CD58: variants seen among roughly 807,000 people sequenced by gnomAD.
CD58 encodes CD58 molecule.
Under a neutral mutation model 27.6 loss-of-function variants are expected in CD58, and 14 were observed. That is an observed-to-expected ratio of 0.51 (90% CI 0.34 to 0.79). CD58 has a LOEUF of 0.79. Among genes scored for constraint, CD58 ranks in the 30% least tolerant of loss-of-function variants. The pLI is 0.02. For synonymous variants in CD58, 117 were observed against 103.8 expected (o/e 1.13, Z -0.77); for missense variants, 268 against 301.7 (o/e 0.89, Z 0.83).
Position 116,531,481 on chromosome 1 carries a change from A to G in CD58, c.628+4484T>C, listed in dbSNP as rs1021748079. On this transcript the variant is annotated intron_variant, in intron 3 of 5. Transcript: ENST00000369489. This position sits in a 1 kb window ranked among gnomAD's most constrained non-coding sequence, Gnocchi z 4.5. The stretch of plus-strand genomic sequence containing the variant: ...TTTTATTTTTTGTTGTTCCCATTAT[A>G]AAGCAACTATCTGCTTTTACAACAA... 2.0e-5 allele frequency among the ~76,000 whole-genome samples: 3 copies of G among 152,212 alleles called. No individual in the cohort carries two copies. The highest frequency in any genetic ancestry group is 7.2e-5 in the African/African-American group (3 of 41,460).
intron 3 of CD58, among the ~76,000 whole-genome samples, chr1:116,535,594 C>A (rs1235402288): frequency 7.1e-6 from 1 of 141,470 alleles, no homozygotes; most frequent in Non-Finnish European, 1.5e-5. Context: ...GTAATCCCAG[C>A]ACTTTGGGAG....
Position 116,534,800 on chromosome 1 carries a change from A to T in CD58, c.628+1165T>A, listed in dbSNP as rs554897666. Among the ~76,000 whole-genome samples the T allele has an allele frequency of 9.2e-5, 14 of 152,300 alleles. No homozygotes were observed. In the South Asian group the frequency reaches 2.7e-3, roughly 29 times the overall value. On this transcript the variant is annotated intron_variant, in intron 3 of 5. Coordinates refer to ENST00000369489, the MANE Select transcript of CD58 (RefSeq NM_001779.3). This position sits in a 1 kb window ranked among gnomAD's most constrained non-coding sequence, Gnocchi z 5.3. ...GGGTTCAGAAAAGACAATAAATGGG[A>T]GACTTAGAATGGCTCACCAGTTAAA...
In CD58 at chr1:116,570,472, G is replaced by T. The variant is rs1389737155; in HGVS notation, c.70+431C>A. On this transcript the variant is annotated intron_variant, in intron 1 of 5. Coordinates refer to ENST00000369489, the MANE Select transcript of CD58 (RefSeq NM_001779.3). The surrounding 1 kb of genome is among the most constrained non-coding windows in gnomAD (Gnocchi z 6.4). ...CGGCACCGCGCGGGGAGGGCAGCAG[G>T]CGTCGCCCTCGAGCAGGTGGCATCC... Among the ~76,000 whole-genome samples the T allele has an allele frequency of 6.6e-6, 1 of 152,094 alleles. No homozygotes were observed. Among genetic ancestry groups the T allele is most frequent in the African/African-American group, 2.4e-5 (1 of 41,452 alleles).
intron 5 of CD58, among the ~76,000 whole-genome samples, chr1:116,518,275 A>G (rs559651300): frequency 1.8e-4 from 28 of 151,926 alleles, no homozygotes; most frequent in African/African-American, 6.3e-4. Context: ...GTTTCTCTCA[A>G]ACCTAGCTCT....
At chr1:116,549,907 T>A (rs1658333967) in intron 1 of CD58, among the ~76,000 whole-genome samples, 1 of 152,192 alleles carries the variant, frequency 6.6e-6, no homozygotes, top group Non-Finnish European at 1.5e-5. Context: ...TCACACAAAT[T>A]TTCTGGTTTC....
At chr1:116,564,973 T>C (rs551870218) in intron 1 of CD58, among the ~76,000 whole-genome samples, 5 of 152,302 alleles carry the variant, frequency 3.3e-5, no homozygotes, top group African/African-American at 9.6e-5. Context: ...CCTATCCACA[T>C]GTCATTCCAC....
Position 116,535,969 on chromosome 1 carries a change from G to C in CD58, c.624C>G (p.Ser208Arg). ...SSIILTTCIP[S>R]SGHSRHRYAL... Reference sequence around the variant, plus strand: ...CACATTTAGTTATTTACTCACCGCTGCTTGGGATACAGGTTGTCAAAATGA... The same window carrying C: ...CACATTTAGTTATTTACTCACCGCTCCTTGGGATACAGGTTGTCAAAATGA... The change falls in exon 3 of 6, where the codon AGC (serine) becomes AGG (arginine). Residue 208 changes from serine (S) to arginine (R), a missense_variant. By Grantham distance (110) the Ser-to-Arg change is moderately radical. Transcript: ENST00000369489. The C allele has an allele frequency of 6.2e-7, 1 of 1,604,212 alleles. No homozygotes were observed. Among genetic ancestry groups the C allele is most frequent in the South Asian group, 1.1e-5 (1 of 90,928 alleles).
rs761524076 is a variant in CD58 at position 116,570,937 on chromosome 1, C to A, written c.36G>T (p.Gly12=). The A allele has an allele frequency of 2.6e-6, 4 of 1,568,246 alleles. No homozygotes were observed. The highest frequency in any genetic ancestry group is 3.4e-6 in the Non-Finnish European group (4 of 1,163,280). Residue 12 remains glycine, a synonymous_variant, in exon 1 of 6, where the codon GGG becomes GGT. Coordinates refer to ENST00000369489, the MANE Select transcript of CD58 (RefSeq NM_001779.3). This position sits in a 1 kb window ranked among gnomAD's most constrained non-coding sequence, Gnocchi z 6.4. ...GCAGCAGGCAGACCACGCTGAGGAC[C>A]CCCAGGGCCCGCCCCGCGTCGCTCC... ...VAGSDAGRAL[G]VLSVVCLLHC... is the part of the protein sequence containing the mutation.
In CD58 at chr1:116,530,036, A is replaced by G. The variant is rs576985202; in HGVS notation, c.628+5929T>C. Among the ~76,000 whole-genome samples, 71 of 152,350 alleles carry G rather than the reference A, an allele frequency of 4.7e-4. 1 individual carries two copies. The highest frequency in any genetic ancestry group is 4.6e-4 in the Non-Finnish European group (31 of 68,034). Reference sequence around the variant, plus strand: ...GTATGGGTTTCTCTAGCTCATTCATATGAATAAATCAAAGAAAACTTTAAA... The same window carrying G: ...GTATGGGTTTCTCTAGCTCATTCATGTGAATAAATCAAAGAAAACTTTAAA... On this transcript the variant is annotated intron_variant, in intron 3 of 5. Transcript: ENST00000369489.
intron 3 of CD58, among the ~76,000 whole-genome samples, chr1:116,529,160 C>T (rs1402406701): frequency 6.6e-6 from 1 of 152,220 alleles, no homozygotes; most frequent in Non-Finnish European, 1.5e-5. Flanking sequence ...ATCCCATGTT[C>T]TCTTCTATCC....
At chr1:116,553,894 A>G (rs1030164377) in intron 1 of CD58, among the ~76,000 whole-genome samples, 15 of 152,006 alleles carry the variant, frequency 9.9e-5, no homozygotes, top group Admixed American at 3.9e-4. Flanking sequence ...GGGAAGTAGA[A>G]GAAAGGCCAG....
chr1:116,523,077 T>C lies in CD58; in HGVS notation c.629-1094A>G, dbSNP rs574230011. Among the ~76,000 whole-genome samples, 1 of 152,346 alleles carries C rather than the reference T, an allele frequency of 6.6e-6. No individual in the cohort carries two copies. The highest frequency in any genetic ancestry group is 1.5e-5 in the Non-Finnish European group (1 of 68,028). ...TGTTATTGGTATCTCTATTAATATC[T>C]TGTGACTCTGCAATTCCATTTCTAA... On this transcript the variant is annotated intron_variant, in intron 3 of 5. Transcript: ENST00000369489. This position sits in a 1 kb window ranked among gnomAD's most constrained non-coding sequence, Gnocchi z 4.4.
rs1657980281 is a variant in CD58, at chr1:116,541,284, G to A, written c.364+3027C>T. ...ATCTATAAATTATCAGATCCCCAAT[G>A]TCCATGTTTCAAAGATTCTACTTTT... On this transcript the variant is annotated intron_variant, in intron 2 of 5. Transcript: ENST00000369489. The surrounding 1 kb of genome is among the most constrained non-coding windows in gnomAD (Gnocchi z 5.3). Among the ~76,000 whole-genome samples, 2 of 152,190 alleles carry A rather than the reference G, an allele frequency of 1.3e-5. No homozygotes were observed. Among genetic ancestry groups the A allele is most frequent in the Non-Finnish European group, 2.9e-5 (2 of 68,040 alleles).
In CD58 at chr1:116,546,259, G is replaced by A. The variant is rs902595673; in HGVS notation, c.71-1655C>T. 1.7e-4 allele frequency among the ~76,000 whole-genome samples: 26 copies of A among 152,178 alleles called. No individual in the cohort carries two copies. Among genetic ancestry groups the A allele is most frequent in the African/African-American group, 6.3e-4 (26 of 41,440 alleles). ...GAAGTTTTTGCCTAGTAGCAATTAG[G>A]GTAATTGAAATAATACAGGGGAAAT... On this transcript the variant is annotated intron_variant, in intron 1 of 5. Coordinates refer to ENST00000369489, the MANE Select transcript of CD58 (RefSeq NM_001779.3). This position sits in a 1 kb window ranked among gnomAD's most constrained non-coding sequence, Gnocchi z 4.1.
chr1:116,539,093 G>C (rs968211408), intron 2 of CD58, among the ~76,000 whole-genome samples: 2 of 152,224 alleles, frequency 1.3e-5, no homozygotes, highest in African/African-American at 4.8e-5. Flanking sequence ...AGACTGTAAT[G>C]AGATTAAATG....
At position 116,517,190 on chromosome 1, in the gene CD58, G is replaced by T. The variant is rs1657108238; in HGVS notation, c.743+2041C>A. Among the ~76,000 whole-genome samples the T allele has an allele frequency of 6.6e-6, 1 of 151,800 alleles. No individual in the cohort carries two copies. The highest frequency in any genetic ancestry group is 2.1e-4 in the South Asian group (1 of 4,804). On this transcript the variant is annotated intron_variant, in intron 5 of 5. Coordinates refer to ENST00000369489, the MANE Select transcript of CD58 (RefSeq NM_001779.3). The surrounding 1 kb of genome is among the most constrained non-coding windows in gnomAD (Gnocchi z 6.5). ...TGACTTGGCTCTCACACTCACCTGGGGCTCACGCATATTGCTCAGATCTGA... is the reference window on the plus strand; with the variant it reads ...TGACTTGGCTCTCACACTCACCTGGTGCTCACGCATATTGCTCAGATCTGA...
Position 116,532,467 on chromosome 1 carries a change from C to G in CD58, c.628+3498G>C, listed in dbSNP as rs1293411896. Among the ~76,000 whole-genome samples the G allele has an allele frequency of 6.6e-6, 1 of 152,228 alleles. No individual in the cohort carries two copies. The highest frequency in any genetic ancestry group is 2.4e-5 in the African/African-American group (1 of 41,462). On this transcript the variant is annotated intron_variant, in intron 3 of 5. Transcript: ENST00000369489. The surrounding 1 kb of genome is among the most constrained non-coding windows in gnomAD (Gnocchi z 5.1). Reference sequence around the variant, plus strand: ...TACAGCAGGTGATGCAGGCTGCACACTCAGCAGATTAAGCAGCTGAAAACA... The same window carrying G: ...TACAGCAGGTGATGCAGGCTGCACAGTCAGCAGATTAAGCAGCTGAAAACA...
intron 3 of CD58, among the ~76,000 whole-genome samples, chr1:116,530,677 C>A (rs535447672): frequency 6.6e-6 from 1 of 151,900 alleles, no homozygotes; most frequent in East Asian, 1.9e-4. Flanking sequence ...GATGAGAAAT[C>A]AAAACCTGAA....
At chr1:116,554,896 T>C (rs577775812) in intron 1 of CD58, among the ~76,000 whole-genome samples, 47 of 152,186 alleles carry the variant, frequency 3.1e-4, no homozygotes, top group Non-Finnish European at 4.9e-4. Flanking sequence ...ATTTCCTTCC[T>C]ACAGTAAAGT....
Sources: gnomAD v4.1 joint callset for allele counts (sites outside exome capture counted in the v4.1 genomes callset) on GRCh38, gnomAD v4.1.1 for gene constraint, Gnocchi (gnomAD v3.1) non-coding constraint, MANE v1.5 for transcripts, NCBI Gene and HGNC (gene_info 2026-07-23, HGNC 2026-07-21) for gene names.